Variants in DNAH2 observed in about 807,000 individuals in gnomAD.
DNAH2 encodes axonemal beta dynein heavy chain 2.
A neutral mutation model predicts 523.5 loss-of-function variants in DNAH2; 323 were observed. The observed-to-expected ratio is 0.62, with a 90% CI of 0.56 to 0.68. The LOEUF is 0.68. Among genes scored for constraint, DNAH2 ranks in the 30% least tolerant of loss-of-function variants. The probability of loss-of-function intolerance (pLI) is 0.00; values close to 1 mark genes in which losing one functional copy is unlikely to be tolerated. For missense variants in DNAH2, 4,907 were observed against 5,701.5 expected, an observed-to-expected ratio of 0.86 and a Z score of 4.49; for synonymous variants, 2,093 against 2,177.4, an observed-to-expected ratio of 0.96 and a Z score of 1.08.
chr17:7,793,624 C>T (rs1031147907), intron 48 of DNAH2, among the ~76,000 whole-genome samples: 6 of 149,854 alleles, frequency 4.0e-5, no homozygotes, highest in African/African-American at 7.4e-5. Flanking sequence ...GCTGGGGTGC[C>T]GGGTTAATTT....
At position 7,798,992 on chromosome 17, in the gene DNAH2, G is replaced by C; in HGVS notation, c.8560-111G>C. 1 of 1,443,886 alleles carries C rather than the reference G, an allele frequency of 6.9e-7. No individual in the cohort carries two copies. The highest frequency in any genetic ancestry group is 9.3e-7 in the Non-Finnish European group (1 of 1,071,906). The allele number at this position is 1,443,886 out of a possible 1,614,324, so 89.4% of individuals were successfully genotyped here. On this transcript the variant is annotated intron_variant, in intron 55 of 85. Transcript: ENST00000572933. This position sits in a 1 kb window ranked among gnomAD's most constrained non-coding sequence, Gnocchi z 5.5. Reference sequence around the variant, plus strand: ...GAAGTGGGAGGATGGTTTGAGGCCAGGAGTTCAAGTCCAGCCTGGGAAACA... The same window carrying C: ...GAAGTGGGAGGATGGTTTGAGGCCACGAGTTCAAGTCCAGCCTGGGAAACA...
Position 7,776,192 on chromosome 17 carries a change from A to G in DNAH2, c.4947+43A>G, listed in dbSNP as rs777115048. The stretch of plus-strand genomic sequence containing the variant: ...GAAGTGAGGGAACAAGGGGCTGGGC[A>G]CGGTGGCTCACGCCTGTAATCCCAG... On this transcript the variant is annotated intron_variant, in intron 31 of 85. Coordinates refer to ENST00000572933, the MANE Select transcript of DNAH2 (RefSeq NM_020877.5). 2.8e-5 allele frequency: 45 copies of G among 1,599,028 alleles called. No individual in the cohort carries two copies. In the African/African-American group the frequency reaches 4.6e-4, roughly 16 times the overall value.
Position 7,831,662 on chromosome 17 carries a change from T to A in DNAH2, c.12613T>A (p.Phe4205Ile), listed in dbSNP as rs1404393492. The change falls in exon 82 of 86, where the codon TTC becomes ATC. Residue 4205 changes from phenylalanine (F) to isoleucine (I), a missense_variant and splice_region_variant. By Grantham distance (21) the Phe-to-Ile change is conservative. Coordinates refer to ENST00000572933, the MANE Select transcript of DNAH2 (RefSeq NM_020877.5). This position sits in a 1 kb window ranked among gnomAD's most constrained non-coding sequence, Gnocchi z 4.2. Reference sequence around the variant, plus strand: ...AACACTCCACCTCATCCTGCTCAGGTTCTCACTGACAGACCTAGAGAAAGG... The same window carrying A: ...AACACTCCACCTCATCCTGCTCAGGATCTCACTGACAGACCTAGAGAAAGG... Reference protein sequence around the residue: ...RYNTLMQTILFSLTDLEKGIQ... With the variant: ...RYNTLMQTILISLTDLEKGIQ... 3.1e-6 allele frequency: 5 copies of A among 1,613,934 alleles called. No homozygotes were observed. In the African/African-American group the frequency reaches 6.7e-5, roughly 22 times the overall value.
chr17:7,809,555 G>A (rs2077455369), intron 63 of DNAH2, among the ~76,000 whole-genome samples: 1 of 152,130 alleles, frequency 6.6e-6, no homozygotes, highest in Admixed American at 6.5e-5. Flanking sequence ...AAGAATCACA[G>A]GTGTGGCAAT....
chr17:7,814,901 T>C (rs1424356713), intron 63 of DNAH2, among the ~76,000 whole-genome samples: 2 of 152,230 alleles, frequency 1.3e-5, no homozygotes, highest in Admixed American at 6.5e-5. Flanking sequence ...AGTCTGGCTG[T>C]GGGAAAGGTG....
At chr17:7,785,970 A>T (rs1220960738) in intron 39 of DNAH2, among the ~76,000 whole-genome samples, 154 bp from the exon 40 acceptor site, 3 of 152,178 alleles carry the variant, frequency 2.0e-5, no homozygotes, top group Non-Finnish European at 4.4e-5. Context: ...GCAATGGGCC[A>T]GCTTCCCAAT....
intron 73 of DNAH2, among the ~76,000 whole-genome samples, chr17:7,822,597 C>G (rs1435792048): frequency 1.3e-5 from 2 of 151,644 alleles, no homozygotes; most frequent in Non-Finnish European, 2.9e-5. Flanking sequence ...TTGGCACTGC[C>G]GTCTTTGCTA....
intron 11 of DNAH2, among the ~76,000 whole-genome samples, chr17:7,741,795 C>A (rs1446350447): frequency 2.6e-5 from 4 of 152,014 alleles, no homozygotes; most frequent in Non-Finnish European, 4.4e-5. Flanking sequence ...CTCTCAGGAG[C>A]TGGGATTACA....
chr17:7,820,180 A>G (rs1038584673), intron 72 of DNAH2, among the ~76,000 whole-genome samples: 2 of 152,122 alleles, frequency 1.3e-5, no homozygotes, highest in African/African-American at 4.8e-5. Flanking sequence ...TATTTCTGCA[A>G]CTGTTCCCTC....
Position 7,797,696 on chromosome 17 carries a change from G to A in DNAH2, c.8097G>A (p.Glu2699=), listed in dbSNP as rs755246132. The change falls in exon 53 of 86, where the codon GAG becomes GAA. Residue 2699 remains glutamate (E), a synonymous_variant. Transcript: ENST00000572933. Reference sequence around the variant, plus strand: ...ATGGCTCAGGGGATTTCCTGAAGGAGCCCAAGGTGTATGAAGACCTCACGG... The same window carrying A: ...ATGGCTCAGGGGATTTCCTGAAGGAACCCAAGGTGTATGAAGACCTCACGG... ...RPPIFGDFLK[E]PKVYEDLTDL... 1.9e-6 allele frequency: 3 copies of A among 1,614,164 alleles called. No homozygotes were observed. The South Asian group carries it at 3.3e-5, about 18-fold the overall frequency.
In DNAH2 at chr17:7,798,507, C is replaced by T. The variant is rs769957251; in HGVS notation, c.8399-51C>T. The T allele has an allele frequency of 6.2e-7, 1 of 1,606,088 alleles. No homozygotes were observed. Among genetic ancestry groups the T allele is most frequent in the Non-Finnish European group, 8.5e-7 (1 of 1,176,234 alleles). On this transcript the variant is annotated intron_variant, in intron 54 of 85. Coordinates refer to ENST00000572933, the MANE Select transcript of DNAH2 (RefSeq NM_020877.5). The surrounding 1 kb of genome is among the most constrained non-coding windows in gnomAD (Gnocchi z 5.5). ...CTAAATCTCAGAAAAGGAATCAAGC[C>T]CAGGATGGGGAATCTGCAGTGAGTT...
chr17:7,740,512 T>G lies in DNAH2; in HGVS notation c.1469T>G (p.Leu490Arg), dbSNP rs1406764871. The change falls in exon 10 of 86, where the codon CTT becomes CGT. Residue 490 changes from leucine (L) to arginine (R), a missense_variant. By Grantham distance (102) the Leu-to-Arg change is moderately radical. This residue lies in a region of DNAH2 where 2,806 missense variants were observed against 3,190.8 expected (regional missense o/e 0.88). Transcript: ENST00000572933. ...ELVRDVPHGV[L>R]LLDTFHRLAS... The stretch of plus-strand genomic sequence containing the variant: ...GTGCGGGACGTGCCGCACGGCGTGC[T>G]TCTGCTGGACACCTTCCACAGGCTT... 6.2e-7 allele frequency: 1 copy of G among 1,614,034 alleles called. No homozygotes were observed. The highest frequency in any genetic ancestry group is 8.5e-7 in the Non-Finnish European group (1 of 1,180,026).
chr17:7,738,056 G>C (rs1180932012), intron 8 of DNAH2: 1 of 703,568 alleles, frequency 1.4e-6, no homozygotes, highest in East Asian at 2.7e-5. Flanking sequence ...GGACCTGCAA[G>C]GCTGCATTCT....
intron 2 of DNAH2, among the ~76,000 whole-genome samples, chr17:7,722,343 C>T (rs2074642113): frequency 6.6e-6 from 1 of 152,150 alleles, no homozygotes; most frequent in Non-Finnish European, 1.5e-5. Context: ...AGAGAATTCA[C>T]TGACTCTAAA....
At chr17:7,725,441 T>TATATATA (rs398119671) in intron 3 of DNAH2, among the ~76,000 whole-genome samples, 1 of 136,958 alleles carries the variant, frequency 7.3e-6, no homozygotes, top group Non-Finnish European at 1.6e-5. Context: ...TATATATATA[T>TATATATA]TTTCTTTTTG....
In DNAH2 at chr17:7,794,299, A is replaced by G. The variant is rs1474949160; in HGVS notation, c.7615A>G (p.Thr2539Ala). 6.2e-7 allele frequency: 1 copy of G among 1,610,318 alleles called. No homozygotes were observed. The highest frequency in any genetic ancestry group is 1.7e-5 in the Admixed American group (1 of 59,522). The change falls in exon 49 of 86, where the codon ACT (threonine) becomes GCT (alanine). Residue 2539 changes from threonine to alanine, a missense_variant. Thr to Ala is a moderately conservative substitution (Grantham distance 58). This residue lies in a region of DNAH2 where 250 missense variants were observed against 371.3 expected (regional missense o/e 0.67). Coordinates refer to ENST00000572933, the MANE Select transcript of DNAH2 (RefSeq NM_020877.5). The part of the protein sequence containing the change: ...AAMGPPGGGR[T>A]VISPRLRSRF... ...CATGGGCCCCCCTGGGGGTGGACGGACTGTCATCTCCCCAAGGCTACGGAG... is the reference window on the plus strand; with the variant it reads ...CATGGGCCCCCCTGGGGGTGGACGGGCTGTCATCTCCCCAAGGCTACGGAG...
chr17:7,734,927 A>ACAAC (rs2075098869), intron 7 of DNAH2, among the ~76,000 whole-genome samples: 1 of 151,786 alleles, frequency 6.6e-6, no homozygotes, highest in Non-Finnish European at 1.5e-5. Flanking sequence ...TACATCAAGT[A>ACAAC]CCTTCTGTGA....
At chr17:7,777,984 C>T (rs1215836880) in intron 33 of DNAH2, 93 bp from the exon 34 acceptor site, 13 of 1,207,372 alleles carry the variant, frequency 1.1e-5, no homozygotes, top group Non-Finnish European at 1.6e-5. Context: ...CTGCAGCCTC[C>T]CTGACAACTC....
chr17:7,721,080 C>T (rs1267210184), intron 2 of DNAH2, among the ~76,000 whole-genome samples: 1 of 148,178 alleles, frequency 6.7e-6, no homozygotes, highest in African/African-American at 2.5e-5. Flanking sequence ...ATAATCTCAG[C>T]TCACTGCAAC....
Sources: allele counts gnomAD v4.1 joint callset (sites outside exome capture counted in the v4.1 genomes callset), GRCh38; gene constraint gnomAD v4.1.1; regional missense constraint gnomAD v4.1.1; non-coding constraint Gnocchi (gnomAD v3.1); transcripts MANE v1.5; gene names NCBI Gene and HGNC (gene_info 2026-07-23, HGNC 2026-07-21).